The following C2CD2 variants were observed in gnomAD, a reference collection of about 807,000 sequenced individuals.
C2CD2 encodes C2 domain-containing protein 2.
A neutral mutation model predicts 74.3 loss-of-function variants in C2CD2; 43 were observed. That is an observed-to-expected ratio of 0.58 (90% CI 0.45 to 0.75). The LOEUF (loss-of-function observed/expected upper bound fraction) is 0.75. Ranked by LOEUF, C2CD2 falls within the 30% of genes least tolerant of loss-of-function variation. The pLI is 0.00. For missense variants in C2CD2, 801 were observed against 916.3 expected (o/e 0.87, Z 1.63); for synonymous variants, 422 against 390.7 (o/e 1.08, Z -0.94).
At position 41,888,853 on chromosome 21, in the gene C2CD2, C is replaced by T; in HGVS notation, c.*271G>A. ...GTTAATCTCCTTCTAATATTGAACC[C>T]TAACCCTTAGCTATGAGCACAGCCC... On this transcript the variant is annotated 3_prime_UTR_variant, in exon 14 of 14. Coordinates refer to ENST00000380486, the MANE Select transcript of C2CD2 (RefSeq NM_015500.2). The T allele has an allele frequency of 5.6e-6, 3 of 537,492 alleles. No homozygotes were observed. Among genetic ancestry groups the T allele is most frequent in the Middle Eastern group, 5.1e-4 (1 of 1,972 alleles). The allele number at this position is 537,492 out of a possible 1,614,324, so 33.3% of individuals were successfully genotyped here. A position where few individuals can be genotyped will look rare whatever the true frequency, so the allele number is the denominator to read the frequency against.
intron 8 of C2CD2, chr21:41,908,519 C>A (rs2064991799): frequency 6.6e-6 from 1 of 152,154 alleles, no homozygotes; most frequent in South Asian, 2.1e-4. Flanking sequence ...CACCCCCATG[C>A]TGTGCAGGTC....
chr21:41,894,611 C>T, intron 13 of C2CD2: 1 of 454,974 alleles, frequency 2.2e-6, no homozygotes, highest in Non-Finnish European at 4.4e-6. Flanking sequence ...TGGAGCAAAG[C>T]CCCCTAATCC....
At chr21:41,952,227 C>A (rs938181466) in intron 1 of C2CD2, among the ~76,000 whole-genome samples, 22 of 152,192 alleles carry the variant, frequency 1.4e-4, no homozygotes, top group African/African-American at 5.3e-4. Context: ...CATTTATGTT[C>A]TTTTTCAAGA....
intron 11 of C2CD2, among the ~76,000 whole-genome samples, chr21:41,905,137 A>G (rs2064944888): frequency 6.6e-6 from 1 of 152,070 alleles, no homozygotes; most frequent in Non-Finnish European, 1.5e-5. Context: ...GCAAGAGAAA[A>G]ATGAACAGAA....
At chr21:41,946,750 C>A (rs2065400894) in intron 1 of C2CD2, among the ~76,000 whole-genome samples, 1 of 152,208 alleles carries the variant, frequency 6.6e-6, no homozygotes, top group Non-Finnish European at 1.5e-5. Context: ...AGCTCAGCAT[C>A]CTCTACAACA....
At chr21:41,900,526 GC>G (rs1569058545) in intron 12 of C2CD2, among the ~76,000 whole-genome samples, 1 of 152,150 alleles carries the variant, frequency 6.6e-6, no homozygotes, top group African/African-American at 2.4e-5. Context: ...CCTGCTGAGG[GC>G]CCCTGGAGGG....
chr21:41,947,188 A>G (rs1601606324), intron 1 of C2CD2, among the ~76,000 whole-genome samples: 1 of 104,782 alleles, frequency 9.5e-6, no homozygotes, highest in Non-Finnish European at 1.8e-5. Flanking sequence ...ACGGAGTTTC[A>G]CTCTTGTTGC....
rs1277109655 is a variant in C2CD2 at position 41,953,841 on chromosome 21, G to A, written c.-193C>T. 5.7e-6 allele frequency: 2 copies of A among 348,452 alleles called. No individual in the cohort carries two copies. The highest frequency in any genetic ancestry group is 2.2e-5 in the African/African-American group (1 of 46,010). 21.6% of individuals were successfully genotyped at this position (348,452 alleles called of 1,614,324 possible). On this transcript the variant is annotated 5_prime_UTR_variant, in exon 1 of 14. Transcript: ENST00000380486. The stretch of plus-strand genomic sequence containing the variant: ...CGGGGAGGAAACGCGCGGCGGCCGC[G>A]GCCCGGGCTGGGCGCAAGCCCCGCA...
At chr21:41,891,884 G>A (rs555662107) in intron 13 of C2CD2, among the ~76,000 whole-genome samples, 16 of 152,210 alleles carry the variant, frequency 1.1e-4, no homozygotes, top group Admixed American at 7.2e-4. Flanking sequence ...CACCTCCAAA[G>A]TCCATTTCAT....
At chr21:41,912,496 T>A (rs1176096149) in intron 6 of C2CD2, 56 bp from the exon 7 acceptor site, 19 of 841,580 alleles carry the variant, frequency 2.3e-5, no homozygotes, top group East Asian at 9.9e-5. Flanking sequence ...TTTATTTATT[T>A]TTTTTTTTTT....
chr21:41,919,323 T>A (rs1241673026), intron 3 of C2CD2, among the ~76,000 whole-genome samples: 5 of 152,254 alleles, frequency 3.3e-5, no homozygotes, highest in Non-Finnish European at 7.3e-5. Context: ...TTTATTCACA[T>A]ATTTTCACAG....
intron 7 of C2CD2, among the ~76,000 whole-genome samples, chr21:41,911,435 G>T (rs2065024834): frequency 1.4e-5 from 2 of 146,414 alleles, no homozygotes; most frequent in Admixed American, 1.4e-4. Flanking sequence ...TGTTGCCCAG[G>T]CTGGAGTGTG....
At chr21:41,902,303 G>A (rs888857520) in intron 11 of C2CD2, among the ~76,000 whole-genome samples, 2 of 152,174 alleles carry the variant, frequency 1.3e-5, no homozygotes, top group Admixed American at 1.3e-4. Context: ...CTAGAGCTAT[G>A]AAGGGCCAGT....
Position 41,887,395 on chromosome 21 carries a change from C to T in C2CD2, c.*1729G>A, listed in dbSNP as rs959890589. 7 of 151,838 alleles carry T rather than the reference C, an allele frequency of 4.6e-5. No individual in the cohort carries two copies. Among genetic ancestry groups the T allele is most frequent in the African/African-American group, 9.7e-5 (4 of 41,306 alleles). 9.4% of individuals were successfully genotyped at this position (151,838 alleles called of 1,614,324 possible). Reference sequence around the variant, plus strand: ...TGGAACACCTAAGAAGTTTGTAATGCGCATTTTAAAGTGAAATTCCTAATG... The same window carrying T: ...TGGAACACCTAAGAAGTTTGTAATGTGCATTTTAAAGTGAAATTCCTAATG... On this transcript the variant is annotated 3_prime_UTR_variant, in exon 14 of 14. Transcript: ENST00000380486.
chr21:41,901,459 C>T, intron 12 of C2CD2, 163 bp downstream of exon 12: 1 of 746,304 alleles, frequency 1.3e-6, no homozygotes, highest in Non-Finnish European at 2.4e-6. Flanking sequence ...AACACAACAC[C>T]ACACATGACT....
At chr21:41,916,505 T>C (rs538981597) in intron 5 of C2CD2, among the ~76,000 whole-genome samples, 1 of 152,288 alleles carries the variant, frequency 6.6e-6, no homozygotes, top group Admixed American at 6.5e-5. Flanking sequence ...TCATGGGTCT[T>C]GAGCCCAGTG....
intron 11 of C2CD2, among the ~76,000 whole-genome samples, chr21:41,905,504 G>C (rs2064950207): frequency 6.6e-6 from 1 of 152,064 alleles, no homozygotes; most frequent in Non-Finnish European, 1.5e-5. Flanking sequence ...TTTTAGTAGA[G>C]ATGGGGTTTT....
At chr21:41,942,370 G>T (rs1235292137) in intron 1 of C2CD2, 125 bp from the exon 2 acceptor site, 3 of 715,980 alleles carry the variant, frequency 4.2e-6, no homozygotes, top group Non-Finnish European at 7.1e-6. Flanking sequence ...TGAACTCTGT[G>T]CTTCTAATAG....
At chr21:41,940,451 T>C (rs1465416711) in intron 2 of C2CD2, among the ~76,000 whole-genome samples, 1 of 152,228 alleles carries the variant, frequency 6.6e-6, no homozygotes, top group East Asian at 1.9e-4. Context: ...GTGAAGGGGC[T>C]GGCAGCACTC....
Sources: allele counts gnomAD v4.1 joint callset (sites outside exome capture counted in the v4.1 genomes callset), GRCh38; gene constraint gnomAD v4.1.1; transcripts MANE v1.5; gene names NCBI Gene and HGNC (gene_info 2026-07-23, HGNC 2026-07-21).